The following LDB3 variants were observed in gnomAD, a reference collection of about 807,000 sequenced individuals.
LDB3 encodes the protein LIM domain-binding protein 3.
A neutral mutation model predicts 69.0 loss-of-function variants in LDB3; 49 were observed. The ratio of observed to expected loss-of-function variants is 0.71; its 90% CI spans 0.56 to 0.90. LDB3 has a LOEUF of 0.90. Among genes scored for constraint, LDB3 ranks in the 40% least tolerant of loss-of-function variants. The pLI, the probability that LDB3 is intolerant of heterozygous loss-of-function variation, is 0.00. For missense variants in LDB3, 928 were observed against 974.1 expected (o/e 0.95, Z 0.63); for synonymous variants, 387 against 396.2 (o/e 0.98, Z 0.28).
At chr10:86,713,041 G>T (rs899467068) in intron 9 of LDB3, among the ~76,000 whole-genome samples, 2 of 151,254 alleles carry the variant, frequency 1.3e-5, no homozygotes, top group African/African-American at 4.9e-5. Flanking sequence ...CAACTTGGGC[G>T]ACAGAGCAAG....
In LDB3 at chr10:86,716,348, C is replaced by A. The variant is rs141870580; in HGVS notation, c.1253C>A (p.Pro418Gln). 1 of 1,611,442 alleles carries A rather than the reference C, an allele frequency of 6.2e-7. No individual in the cohort carries two copies. The highest frequency in any genetic ancestry group is 8.5e-7 in the Non-Finnish European group (1 of 1,179,838). ...YQPVPASTYS[P>Q]SPGANYSPTP... ...GCAGTGCCTGCATCTACCTACAGCCCGTCCCCAGGGGCCAATTACAGTCCC... is the reference window on the plus strand; with the variant it reads ...GCAGTGCCTGCATCTACCTACAGCCAGTCCCCAGGGGCCAATTACAGTCCC... The change falls in exon 10 of 14, where the codon CCG becomes CAG. Residue 418 changes from proline (P) to glutamine (Q), a missense_variant. Transcript: ENST00000361373.
At chr10:86,723,076 G>A (rs1012400684) in intron 12 of LDB3, among the ~76,000 whole-genome samples, 15 of 151,588 alleles carry the variant, frequency 9.9e-5, no homozygotes, top group African/African-American at 2.4e-5. Context: ...AGAACAGCTT[G>A]GACAATATAG....
intron 13 of LDB3, among the ~76,000 whole-genome samples, chr10:86,729,515 G>C (rs150988208): frequency 1.4e-3 from 212 of 152,302 alleles, no homozygotes; most frequent in African/African-American, 4.6e-3. Flanking sequence ...AGCTGGCCTA[G>C]TTTATTACCC....
At chr10:86,692,985 G>C (rs1330986374) in intron 7 of LDB3, among the ~76,000 whole-genome samples, 1 of 152,226 alleles carries the variant, frequency 6.6e-6, no homozygotes, top group Non-Finnish European at 1.5e-5. Context: ...AGGCACACAG[G>C]GGGCTGTGCT....
intron 2 of LDB3, among the ~76,000 whole-genome samples, chr10:86,669,984 C>A (rs1301490994): frequency 6.6e-6 from 1 of 152,188 alleles, no homozygotes; most frequent in African/African-American, 2.4e-5. Flanking sequence ...GGCCAGGGAA[C>A]CTGGGCAGCG....
chr10:86,715,279 G>A (rs889361833), intron 9 of LDB3, among the ~76,000 whole-genome samples: 15 of 152,192 alleles, frequency 9.9e-5, no homozygotes, highest in Non-Finnish European at 1.9e-4. Flanking sequence ...CCTAGGGTTG[G>A]GGGAATGAGG....
intron 5 of LDB3, among the ~76,000 whole-genome samples, chr10:86,688,381 A>T (rs1044596965): frequency 6.6e-6 from 1 of 152,172 alleles, no homozygotes. Context: ...CATGCAGGTT[A>T]TAAAGGGCAG....
At chr10:86,701,991 G>A (rs777278460) in intron 7 of LDB3, among the ~76,000 whole-genome samples, 41 of 152,186 alleles carry the variant, frequency 2.7e-4, no homozygotes, top group Admixed American at 5.9e-4. Flanking sequence ...GACCACAATG[G>A]CAATGTGGGC....
chr10:86,690,392 C>T (rs1292049118), intron 5 of LDB3, among the ~76,000 whole-genome samples: 1 of 152,368 alleles, frequency 6.6e-6, no homozygotes, highest in Non-Finnish European at 1.5e-5. Context: ...TCCTTTGCTC[C>T]CTGGGCAGCT....
intron 5 of LDB3, among the ~76,000 whole-genome samples, chr10:86,685,004 G>A (rs1288170609): frequency 1.3e-5 from 2 of 152,180 alleles, no homozygotes; most frequent in Admixed American, 6.5e-5. Flanking sequence ...GCGCCTGCTC[G>A]CTCCTCCATC....
intron 5 of LDB3, among the ~76,000 whole-genome samples, chr10:86,690,305 C>T (rs1845695348): frequency 6.6e-6 from 1 of 152,202 alleles, no homozygotes; most frequent in Admixed American, 6.5e-5. Flanking sequence ...GCCCATCTCA[C>T]CCAGACCTTA....
At chr10:86,716,269 A>G (rs1276837200) in intron 9 of LDB3, 58 bp from the exon 10 acceptor site, 13 of 1,587,938 alleles carry the variant, frequency 8.2e-6, no homozygotes, top group African/African-American at 1.3e-5. Flanking sequence ...GAGTGAGGGG[A>G]ACTGGGAAGA....
At chr10:86,690,412 T>C (rs1845700615) in intron 5 of LDB3, among the ~76,000 whole-genome samples, 1 of 152,218 alleles carries the variant, frequency 6.6e-6, no homozygotes, top group Non-Finnish European at 1.5e-5. Flanking sequence ...TGCAGGCTCC[T>C]CCCTGGCCGG....
At chr10:86,691,646 G>A (rs1467475726) in intron 5 of LDB3, among the ~76,000 whole-genome samples, 1 of 149,550 alleles carries the variant, frequency 6.7e-6, no homozygotes, top group East Asian at 1.9e-4. Flanking sequence ...GTTAGCACTG[G>A]GGAAGGGCAG....
At chr10:86,726,560 T>C in intron 13 of LDB3, 2 of 426,026 alleles carry the variant, frequency 4.7e-6, no homozygotes, top group Admixed American at 7.0e-5. Flanking sequence ...AAGCAGCAGA[T>C]GATGCTTGGC....
chr10:86,735,987 A>C lies in LDB3; in HGVS notation c.*3011A>C, dbSNP rs1163479547. ...TGTAGCCTGTTAAAGGTGTGCACAA[A>C]AATATTTTGCATGTGTTTTTTTTTT... On this transcript the variant is annotated 3_prime_UTR_variant, in exon 14 of 14. Coordinates refer to ENST00000361373, the MANE Select transcript of LDB3 (RefSeq NM_007078.3). 6.6e-6 allele frequency: 1 copy of C among 151,830 alleles called. No individual in the cohort carries two copies. Among genetic ancestry groups the C allele is most frequent in the African/African-American group, 2.4e-5 (1 of 41,352 alleles). 9.4% of individuals were successfully genotyped at this position (151,830 alleles called of 1,614,324 possible). A position where few individuals can be genotyped will look rare whatever the true frequency, so the allele number is the denominator to read the frequency against.
chr10:86,677,898 C>T (rs1294486107), intron 2 of LDB3, among the ~76,000 whole-genome samples: 1 of 152,218 alleles, frequency 6.6e-6, no homozygotes, highest in Admixed American at 6.5e-5. Context: ...GCCCTTCAGC[C>T]TGGCAGTGTC....
chr10:86,710,081 G>C, intron 9 of LDB3, 31 bp downstream of exon 9: 1 of 1,608,298 alleles, frequency 6.2e-7, no homozygotes, highest in Non-Finnish European at 8.5e-7. Context: ...GGAGGCTGTC[G>C]AAAGCCATGG....
rs2132443866 is a variant in LDB3, at chr10:86,699,968, C to T, written c.897-6563C>T. On this transcript the variant is annotated intron_variant, in intron 7 of 13. Coordinates refer to ENST00000361373, the MANE Select transcript of LDB3 (RefSeq NM_007078.3). This position sits in a 1 kb window ranked among gnomAD's most constrained non-coding sequence, Gnocchi z 4.9. The stretch of plus-strand genomic sequence containing the variant: ...GGGGCATGCACCCTCCTTTCTGTAC[C>T]GTGTGTGCTGGCTCCATAGTTCTCT... 5 of 995,474 alleles carry T rather than the reference C, an allele frequency of 5.0e-6. No homozygotes were observed. Among genetic ancestry groups the T allele is most frequent in the Non-Finnish European group, 6.0e-6 (5 of 835,280 alleles). 61.7% of individuals were successfully genotyped at this position (995,474 alleles called of 1,614,324 possible).
Sources: allele counts gnomAD v4.1 joint callset (sites outside exome capture counted in the v4.1 genomes callset), GRCh38; gene constraint gnomAD v4.1.1; non-coding constraint Gnocchi (gnomAD v3.1); transcripts MANE v1.5; gene names NCBI Gene and HGNC (gene_info 2026-07-23, HGNC 2026-07-21).